The following FKBP11 variants were observed in gnomAD, a reference collection of about 807,000 sequenced individuals.
FKBP11 encodes the protein peptidyl-prolyl cis-trans isomerase FKBP11.
Under a neutral mutation model 24.7 loss-of-function variants are expected in FKBP11, and 21 were observed. The ratio of observed to expected loss-of-function variants is 0.85; its 90% CI spans 0.60 to 1.23. FKBP11 has a LOEUF of 1.23. Among genes scored for constraint, FKBP11 ranks in the 50% most tolerant of loss-of-function variants. The probability of loss-of-function intolerance (pLI) is 0.00; values close to 1 mark genes in which losing one functional copy is unlikely to be tolerated. For synonymous variants in FKBP11, 106 were observed against 100.6 expected, an observed-to-expected ratio of 1.05 and a Z score of -0.32; for missense variants, 245 against 248.7, an observed-to-expected ratio of 0.99 and a Z score of 0.10.
upstream of FKBP11, among the ~76,000 whole-genome samples, chr12:48,930,990 G>A (rs188495085): frequency 7.7e-4 from 117 of 152,024 alleles, no homozygotes; most frequent in African/African-American, 2.7e-3. Context: ...TTAGCCAGGC[G>A]TGGTGGCGGG....
chr12:48,922,240 C>T (rs756340300), intron 5 of FKBP11, 39 bp from the exon 6 acceptor site: 2 of 1,554,336 alleles, frequency 1.3e-6, no homozygotes, highest in Non-Finnish European at 1.8e-6. Flanking sequence ...AGACTCTCTG[C>T]ATTTTATCCA....
chr12:48,933,757 C>T, the FKBP11 span, among the ~76,000 whole-genome samples: 12 of 149,604 alleles, frequency 8.0e-5, no homozygotes, highest in South Asian at 1.7e-3. Flanking sequence ...CCCAGCAACT[C>T]GGAAAAGGCT....
At chr12:48,933,075 A>C in the FKBP11 span, among the ~76,000 whole-genome samples, 1 of 152,176 alleles carries the variant, frequency 6.6e-6, no homozygotes, top group Non-Finnish European at 1.5e-5. Context: ...CTCATCTTCA[A>C]GCCTTGATGG....
chr12:48,925,260 C>A, intron 1 of FKBP11, 40 bp downstream of exon 1: 3 of 1,604,722 alleles, frequency 1.9e-6, no homozygotes, highest in African/African-American at 2.7e-5. Flanking sequence ...CCCAACAAGG[C>A]TCGGCCCACG....
rs1202456502 is a variant in FKBP11, at chr12:48,924,492, T to C, written c.283+69A>G. 2.8e-6 allele frequency: 4 copies of C among 1,453,612 alleles called. No homozygotes were observed. The East Asian group carries it at 9.1e-5, about 33-fold the overall frequency. 90.0% of individuals were successfully genotyped at this position (1,453,612 alleles called of 1,614,324 possible). On this transcript the variant is annotated intron_variant, in intron 3 of 5. Coordinates refer to ENST00000550765, the MANE Select transcript of FKBP11 (RefSeq NM_016594.3). ...TTCAGGGGGGATTTCCAGGGCAGCT[T>C]TGGAGCCGAAGAGGCTAAGAAAGGG...
Position 48,925,290 on chromosome 12 carries a change from A to G in FKBP11, c.129+10T>C, listed in dbSNP as rs1447091210. On this transcript the variant is annotated intron_variant, in intron 1 of 5. Transcript: ENST00000550765. Reference sequence around the variant, plus strand: ...CCCACGGGGGCTGAGGGTCGGGACTATCTCCTCACCAGGGTCTCCACTTGG... The same window carrying G: ...CCCACGGGGGCTGAGGGTCGGGACTGTCTCCTCACCAGGGTCTCCACTTGG... 5 of 1,611,972 alleles carry G rather than the reference A, an allele frequency of 3.1e-6. No homozygotes were observed. Among genetic ancestry groups the G allele is most frequent in the Admixed American group, 3.3e-5 (2 of 59,820 alleles).
intron 5 of FKBP11, chr12:48,922,427 T>C (rs1939857070): frequency 1.3e-6 from 1 of 751,120 alleles, no homozygotes. Context: ...TTGGGTCCAG[T>C]GACAAGTCTT....
At chr12:48,925,153 T>C (rs1939932967) in intron 1 of FKBP11, 42 bp from the exon 2 acceptor site, 9 of 1,607,172 alleles carry the variant, frequency 5.6e-6, no homozygotes, top group African/African-American at 1.3e-5. Context: ...CTTCCAAAGA[T>C]CCCGTTCTCG....
At chr12:48,924,918 G>T (rs1939923936) in intron 2 of FKBP11, 128 bp downstream of exon 2, 4 of 1,436,426 alleles carry the variant, frequency 2.8e-6, no homozygotes, top group Non-Finnish European at 3.7e-6. Context: ...CTCGCCACGT[G>T]CTCGACGACC....
chr12:48,938,698 G>A, the FKBP11 span: 9 of 523,728 alleles, frequency 1.7e-5, no homozygotes, highest in Admixed American at 9.6e-5. Context: ...CCATGAAACC[G>A]TAACAACTTT....
the FKBP11 span, chr12:48,936,842 G>T: frequency 6.6e-6 from 1 of 152,238 alleles, no homozygotes; most frequent in African/African-American, 2.4e-5. Flanking sequence ...TGAATGAGTT[G>T]AGATTGAAAA....
upstream of FKBP11, among the ~76,000 whole-genome samples, chr12:48,930,667 T>C (rs1940036129): frequency 6.6e-6 from 1 of 151,926 alleles, no homozygotes; most frequent in African/African-American, 2.4e-5. Context: ...ACAGGCAGCT[T>C]TGTGGAGGAG....
Position 48,925,438 on chromosome 12 carries a change from C to T in FKBP11, c.-10G>A, listed in dbSNP as rs1373820743. On this transcript the variant is annotated 5_prime_UTR_variant, in exon 1 of 6. Transcript: ENST00000550765. ...AGGGGCGCAGGGTCATGACTGGGCG[C>T]GGGGCAGGGAGCCGGGGCACCAGGA... The T allele has an allele frequency of 6.4e-7, 1 of 1,555,898 alleles. No homozygotes were observed. Among genetic ancestry groups the T allele is most frequent in the Non-Finnish European group, 8.7e-7 (1 of 1,151,560 alleles).
chr12:48,924,407 T>A (rs2137556422), intron 3 of FKBP11, 151 bp from the exon 4 acceptor site: 3 of 1,164,172 alleles, frequency 2.6e-6, no homozygotes, highest in South Asian at 2.6e-5. Flanking sequence ...ACAAGTGGAG[T>A]ACTAGAAGTG....
At chr12:48,934,712 A>C in the FKBP11 span, among the ~76,000 whole-genome samples, 1 of 152,118 alleles carries the variant, frequency 6.6e-6, no homozygotes, top group Non-Finnish European at 1.5e-5. Flanking sequence ...TCTATTTGCT[A>C]ATATAGAAAT....
chr12:48,932,235 ATATATATATAT>A, the FKBP11 span, among the ~76,000 whole-genome samples: 3 of 30,530 alleles, frequency 9.8e-5, no homozygotes, highest in Admixed American at 4.0e-4. Context: ...ATTTATATAT[ATATATATATAT>A]ATATATATAT....
Position 48,925,414 on chromosome 12 carries a change from G to A in FKBP11, c.15C>T (p.Pro5=), listed in dbSNP as rs1939943329. The change falls in exon 1 of 6, where the codon CCC becomes CCT. Residue 5 remains proline (P), a synonymous_variant. Coordinates refer to ENST00000550765, the MANE Select transcript of FKBP11 (RefSeq NM_016594.3). MTLR[P]SLLPLHLLLL... is the part of the protein sequence containing the mutation. Reference sequence around the variant, plus strand: ...GCAGCAGATGGAGCGGGAGGAGTGAGGGGCGCAGGGTCATGACTGGGCGCG... The same window carrying A: ...GCAGCAGATGGAGCGGGAGGAGTGAAGGGCGCAGGGTCATGACTGGGCGCG... 5 of 1,573,564 alleles carry A rather than the reference G, an allele frequency of 3.2e-6. No individual in the cohort carries two copies. The highest frequency in any genetic ancestry group is 1.2e-5 in the South Asian group (1 of 86,052).
chr12:48,933,650 G>A, the FKBP11 span, among the ~76,000 whole-genome samples: 161 of 150,464 alleles, frequency 1.1e-3, 1 homozygote, highest in African/African-American at 3.5e-3. Context: ...GCAGTGAGCC[G>A]AGATCACGCC....
chr12:48,925,758 A>C, upstream of FKBP11: 1 of 334,672 alleles, frequency 3.0e-6, no homozygotes, highest in East Asian at 5.4e-5. Context: ...CTAATCCTCA[A>C]AACCACCCTG....
Sources: gnomAD v4.1 joint callset for allele counts (sites outside exome capture counted in the v4.1 genomes callset) on GRCh38, gnomAD v4.1.1 for gene constraint, MANE v1.5 for transcripts, NCBI Gene and HGNC (gene_info 2026-07-23, HGNC 2026-07-21) for gene names.